PTK2: variants seen among roughly 807,000 people sequenced by gnomAD.
PTK2 encodes protein tyrosine kinase 2.
PTK2 carries 45 observed loss-of-function variants against 150.1 expected under a neutral mutation model. The observed-to-expected ratio is 0.30, with a 90% CI of 0.24 to 0.38. The LOEUF (loss-of-function observed/expected upper bound fraction) is 0.38. Among genes scored for constraint, PTK2 ranks in the 10% least tolerant of loss-of-function variants. PTK2 has a pLI of 1.00. For missense variants in PTK2, 919 were observed against 1,307.3 expected (o/e 0.70, Z 4.58); for synonymous variants, 432 against 449.2 (o/e 0.96, Z 0.48).
intron 2 of PTK2, among the ~76,000 whole-genome samples, chr8:140,914,831 T>A (rs1249168440): frequency 2.6e-5 from 4 of 151,938 alleles, no homozygotes; most frequent in Non-Finnish European, 4.4e-5. Flanking sequence ...AGGTTGGAAG[T>A]TTGAGACCAG....
At chr8:140,825,035 T>A (rs920828418) in intron 8 of PTK2, among the ~76,000 whole-genome samples, 6 of 152,180 alleles carry the variant, frequency 3.9e-5, no homozygotes, top group African/African-American at 1.4e-4. Flanking sequence ...CTAGCAACAA[T>A]AGATTCCTAG....
At chr8:140,673,842 A>G (rs1283471101) in intron 29 of PTK2, among the ~76,000 whole-genome samples, 1 of 152,312 alleles carries the variant, frequency 6.6e-6, no homozygotes, top group South Asian at 2.1e-4. Flanking sequence ...CTCAGCATAC[A>G]TTGCTTTTAC....
At chr8:140,741,177 C>T (rs1313651186) in intron 20 of PTK2, among the ~76,000 whole-genome samples, 4 of 151,212 alleles carry the variant, frequency 2.6e-5, no homozygotes, top group East Asian at 2.0e-4. Flanking sequence ...TTAGGCCAGG[C>T]GCAGTGGCTG....
chr8:140,954,281 CT>C (rs2100180493), intron 1 of PTK2, among the ~76,000 whole-genome samples: 1 of 152,114 alleles, frequency 6.6e-6, no homozygotes, highest in Non-Finnish European at 1.5e-5. Context: ...CACCCAGCCA[CT>C]TGGTCTCAAA....
intron 1 of PTK2, among the ~76,000 whole-genome samples, chr8:140,987,157 C>CA (rs1015158262): frequency 5.3e-5 from 8 of 151,958 alleles, no homozygotes; most frequent in South Asian, 4.1e-4. Context: ...TCTCAAAACC[C>CA]AAAAAAATGG....
rs150064590 is a variant in PTK2 at position 140,712,781 on chromosome 8, G to A, written c.2142+4817C>T. Among the ~76,000 whole-genome samples, 1,425 of 152,290 alleles carry A rather than the reference G, an allele frequency of 9.4e-3. 19 individuals carry two copies. Among genetic ancestry groups the A allele is most frequent in the Admixed American group, 0.034 (514 of 15,302 alleles). ...CTATAACAGTCTAAGAATTTAGAAA[G>A]CTGTCAAGATCACGGTAATAAGTTT... On this transcript the variant is annotated intron_variant, in intron 23 of 31. Coordinates refer to ENST00000522684, the Ensembl canonical transcript of PTK2.
chr8:140,977,611 GACTGTCCAAAAAAAAAAA>G, intron 1 of PTK2, among the ~76,000 whole-genome samples: 1 of 125,362 alleles, frequency 8.0e-6, no homozygotes, highest in Non-Finnish European at 1.9e-5. Context: ...GACAGAGCAA[GACTGTCCAAAAAAAAAAA>G]AATACTGCAG....
chr8:140,995,527 C>T (rs965267917), intron 1 of PTK2, among the ~76,000 whole-genome samples: 8 of 151,996 alleles, frequency 5.3e-5, no homozygotes, highest in South Asian at 2.1e-4. Context: ...AAGATAGGGC[C>T]GGGCACAGTG....
intron 3 of PTK2, among the ~76,000 whole-genome samples, chr8:140,887,615 T>C (rs1387188829): frequency 6.6e-6 from 1 of 152,158 alleles, no homozygotes; most frequent in East Asian, 1.9e-4. Context: ...TTCTGAGAAT[T>C]TGCTTTCTAC....
At chr8:140,660,268 C>G (rs929026921) in intron 31 of PTK2, among the ~76,000 whole-genome samples, 1 of 152,184 alleles carries the variant, frequency 6.6e-6, no homozygotes, top group Non-Finnish European at 1.5e-5. Flanking sequence ...CAAACACTTT[C>G]ACATTAGAGT....
chr8:140,672,202 CT>C (rs1341762252), intron 29 of PTK2: 1 of 447,226 alleles, frequency 2.2e-6, no homozygotes, highest in Non-Finnish European at 4.5e-6. Flanking sequence ...GTCCCCTTTT[CT>C]TTTTTTAAAG....
intron 1 of PTK2, among the ~76,000 whole-genome samples, chr8:140,950,343 G>A (rs889989043): frequency 1.1e-4 from 17 of 152,302 alleles, no homozygotes; most frequent in African/African-American, 4.1e-4. Context: ...ACTCTTCTGG[G>A]CGCCACCTCG....
exon 32 of PTK2, chr8:140,658,888 A>T (rs1339317933): frequency 4.4e-6 from 1 of 226,860 alleles, no homozygotes; most frequent in Admixed American, 5.7e-5. Context: ...GTAAGACAAA[A>T]AGGGCTGTAG....
chr8:140,779,355 G>A lies in PTK2; in HGVS notation c.1177+10119C>T, dbSNP rs188106000. Among the ~76,000 whole-genome samples the A allele has an allele frequency of 9.9e-5, 15 of 152,154 alleles. No individual in the cohort carries two copies. The East Asian group carries it at 2.9e-3, about 29-fold the overall frequency. ...TGGGGGATGCTGGAGCACTGACAGT[G>A]AACTGGGTGCTCAGAACTTTGAGGA... On this transcript the variant is annotated intron_variant, in intron 14 of 31. Coordinates refer to ENST00000522684, the Ensembl canonical transcript of PTK2.
chr8:140,954,594 A>G (rs904537054), intron 1 of PTK2: 14 of 152,214 alleles, frequency 9.2e-5, no homozygotes, highest in Admixed American at 8.5e-4. Context: ...TAGGCACTAA[A>G]CAATTTATAT....
chr8:140,870,447 G>C (rs2100141842), intron 4 of PTK2, among the ~76,000 whole-genome samples: 1 of 152,152 alleles, frequency 6.6e-6, no homozygotes, highest in African/African-American at 2.4e-5. Flanking sequence ...GCTCAATTTA[G>C]AAATAAGTGG....
At chr8:140,733,236 G>A (rs532910887) in intron 22 of PTK2, among the ~76,000 whole-genome samples, 1 of 152,214 alleles carries the variant, frequency 6.6e-6, no homozygotes, top group East Asian at 1.9e-4. Flanking sequence ...GAGGAGGAAG[G>A]GCTGGCATAG....
chr8:140,848,940 T>C (rs973943563), intron 5 of PTK2, among the ~76,000 whole-genome samples: 4 of 152,176 alleles, frequency 2.6e-5, no homozygotes, highest in Admixed American at 2.6e-4. Context: ...TGAAGATTAA[T>C]TGCCACAATT....
rs757857508 is a variant in PTK2 at position 140,890,668 on chromosome 8, T to C, written c.70A>G (p.Thr24Ala). 8.7e-6 allele frequency: 14 copies of C among 1,614,000 alleles called. No homozygotes were observed. The Admixed American group carries it at 2.0e-4, about 23-fold the overall frequency. The change falls in exon 3 of 32, where the codon ACT (threonine) becomes GCT (alanine). Residue 24 changes from threonine to alanine, a missense_variant. Transcript: ENST00000522684. ...GCACCAGGAGAACGTTCCATACCAG[T>C]ACCCAGGTGAGTCTTAGTACTCGAA...
Sources: allele counts gnomAD v4.1 joint callset (sites outside exome capture counted in the v4.1 genomes callset), GRCh38; gene constraint gnomAD v4.1.1; transcripts MANE v1.5; gene names NCBI Gene and HGNC (gene_info 2026-07-23, HGNC 2026-07-21).